The following NEK10 variants were observed in gnomAD, a reference collection of about 807,000 sequenced individuals.
NEK10 encodes NIMA related kinase 10, also known as serine/threonine-protein kinase Nek10.
In NEK10, 122 loss-of-function variants were observed where a neutral mutation model predicts 159.8. That is an observed-to-expected ratio of 0.76 (90% CI 0.66 to 0.89). The LOEUF is 0.89. Among genes scored for constraint, NEK10 ranks in the 40% least tolerant of loss-of-function variants. NEK10 has a pLI of 0.00. For missense variants in NEK10, 1,342 were observed against 1,323.1 expected, an observed-to-expected ratio of 1.01 and a Z score of -0.22; for synonymous variants, 466 against 457.1, an observed-to-expected ratio of 1.02 and a Z score of -0.25.
At chr3:27,157,297 A>C (rs1945572049) in intron 30 of NEK10, among the ~76,000 whole-genome samples, 1 of 151,998 alleles carries the variant, frequency 6.6e-6, no homozygotes, top group Non-Finnish European at 1.5e-5. Context: ...TACCCCAATA[A>C]CTTATGGAAA....
intron 23 of NEK10, among the ~76,000 whole-genome samples, chr3:27,247,768 C>T (rs1955219659): frequency 6.6e-6 from 1 of 151,388 alleles, no homozygotes; most frequent in South Asian, 2.1e-4. Context: ...AACTCCTGCA[C>T]TCAAGCAATA....
At chr3:27,132,505 C>A (rs892451030) in intron 31 of NEK10, among the ~76,000 whole-genome samples, 1 of 152,078 alleles carries the variant, frequency 6.6e-6, no homozygotes, top group Non-Finnish European at 1.5e-5. Context: ...GATTTAGGTA[C>A]CAATCATTCC....
At chr3:27,354,939 T>A (rs569304449) in intron 1 of NEK10, among the ~76,000 whole-genome samples, 9 of 152,092 alleles carry the variant, frequency 5.9e-5, no homozygotes, top group Non-Finnish European at 1.3e-4. Context: ...TTAGAGGCAG[T>A]CCTCTCAAAA....
rs138648577 is a variant in NEK10 at position 27,124,671 on chromosome 3, G to A, written c.3082-4803C>T. ...GGGTAAAAGAAATGAAGCAGAGCAG[G>A]TGAAAAAGCGTGAGGTTTAAAGAAT... is the stretch of plus-strand genomic sequence containing the variant. On this transcript the variant is annotated intron_variant, in intron 32 of 35. Transcript: ENST00000691995. Among the ~76,000 whole-genome samples, 522 of 152,306 alleles carry A rather than the reference G, an allele frequency of 3.4e-3. 1 individual carries two copies. The highest frequency in any genetic ancestry group is 6.4e-3 in the Non-Finnish European group (433 of 68,022).
At chr3:27,180,446 G>C (rs1003969196) in intron 26 of NEK10, among the ~76,000 whole-genome samples, 35 of 150,824 alleles carry the variant, frequency 2.3e-4, no homozygotes, top group African/African-American at 7.1e-4. Context: ...GGGAAGGGAG[G>C]GGAAGGGAAG....
intron 35 of NEK10, among the ~76,000 whole-genome samples, chr3:27,115,505 A>C (rs1446651902): frequency 6.6e-6 from 1 of 152,216 alleles, no homozygotes; most frequent in African/African-American, 2.4e-5. Context: ...AATATATCTT[A>C]AATTCACAAG....
At chr3:27,174,931 C>A in intron 26 of NEK10, 98 bp from the exon 27 acceptor site, 1 of 1,003,742 alleles carries the variant, frequency 1.0e-6, no homozygotes. Context: ...CTTCAAATAT[C>A]AATATAAATG....
chr3:27,223,999 G>A (rs765891169), intron 23 of NEK10, among the ~76,000 whole-genome samples: 12 of 152,210 alleles, frequency 7.9e-5, no homozygotes, highest in Non-Finnish European at 1.3e-4. Flanking sequence ...ACCTGTGAAT[G>A]TGATCTTGTT....
chr3:27,141,604 G>T, intron 30 of NEK10, 22 bp from the exon 31 acceptor site: 2 of 1,566,222 alleles, frequency 1.3e-6, no homozygotes, highest in Non-Finnish European at 1.7e-6. Context: ...AAATTTTGTA[G>T]TTAGTCAAGT....
At chr3:27,203,449 T>C (rs1026355191) in intron 23 of NEK10, among the ~76,000 whole-genome samples, 1 of 152,214 alleles carries the variant, frequency 6.6e-6, no homozygotes, top group Non-Finnish European at 1.5e-5. Flanking sequence ...GGTTCATGAA[T>C]CTATTTTTTA....
rs1939165771 is a variant in NEK10 at position 27,108,027 on chromosome 3, T to C, written c.*3245A>G. Among the ~76,000 whole-genome samples, 1 of 152,200 alleles carries C rather than the reference T, an allele frequency of 6.6e-6. No individual in the cohort carries two copies. The highest frequency in any genetic ancestry group is 1.5e-5 in the Non-Finnish European group (1 of 68,032). ...TTACAGTCTTCACACATCTTAAAAA[T>C]GAGTGGTGATTAATTAATGATATTT... On this transcript the variant is annotated 3_prime_UTR_variant, in exon 36 of 36. Transcript: ENST00000691995.
chr3:27,352,247 G>A (rs914136136), intron 3 of NEK10, among the ~76,000 whole-genome samples: 2 of 152,172 alleles, frequency 1.3e-5, no homozygotes, highest in African/African-American at 4.8e-5. Flanking sequence ...GAGAAGCATA[G>A]GCTAAAGCAG....
In NEK10 at chr3:27,174,474, C is replaced by G. The variant is rs151166136; in HGVS notation, c.2741G>C (p.Ser914Thr). Residue 914 changes from serine (S) to threonine (T), a missense_variant, in exon 28 of 36, where the codon AGC becomes ACC. Physicochemically the swap from Ser to Thr is moderately conservative, Grantham distance 58. Transcript: ENST00000691995. Reference protein sequence around the residue: ...DELDISDNSSSSSSSPLKEST... With the variant: ...DELDISDNSSTSSSSPLKEST... ...TTCTTTCAGAGGGCTTGAACTGGAG[C>G]TGCTGGAGTTATCCGAAATGTCCAA... is the stretch of plus-strand genomic sequence containing the variant. 5.6e-6 allele frequency: 9 copies of G among 1,612,252 alleles called. No homozygotes were observed. In the African/African-American group the frequency reaches 1.1e-4, roughly 19 times the overall value.
intron 22 of NEK10, among the ~76,000 whole-genome samples, chr3:27,283,420 A>G (rs1334164186): frequency 6.6e-6 from 1 of 152,158 alleles, no homozygotes; most frequent in Non-Finnish European, 1.5e-5. Context: ...TTACTACAGA[A>G]TCTTTGTTCA....
chr3:27,163,339 G>A (rs990577016), intron 29 of NEK10, among the ~76,000 whole-genome samples: 2 of 151,118 alleles, frequency 1.3e-5, no homozygotes, highest in African/African-American at 4.9e-5. Context: ...TTTTTCCACT[G>A]TACCCTAGAA....
chr3:27,251,572 C>T (rs1254176119), intron 23 of NEK10, among the ~76,000 whole-genome samples: 1 of 152,188 alleles, frequency 6.6e-6, no homozygotes, highest in Non-Finnish European at 1.5e-5. Context: ...TTCCTGGGGC[C>T]TCCCCAGAAG....
intron 5 of NEK10, among the ~76,000 whole-genome samples, chr3:27,336,178 C>A (rs902044334): frequency 3.9e-5 from 6 of 152,044 alleles, no homozygotes; most frequent in Admixed American, 3.3e-4. Flanking sequence ...TTACAACTGA[C>A]AACACAAAAA....
chr3:27,369,075 A>G lies in NEK10; in HGVS notation c.-38+150T>C, dbSNP rs1300633028. The G allele has an allele frequency of 6.6e-6, 1 of 152,356 alleles. No individual in the cohort carries two copies. Among genetic ancestry groups the G allele is most frequent in the South Asian group, 2.1e-4 (1 of 4,814 alleles). 9.4% of individuals were successfully genotyped at this position (152,356 alleles called of 1,614,324 possible). A position where few individuals can be genotyped will look rare whatever the true frequency, so the allele number is the denominator to read the frequency against. On this transcript the variant is annotated intron_variant, in intron 1 of 35. Transcript: ENST00000691995. The surrounding 1 kb of genome is among the most constrained non-coding windows in gnomAD (Gnocchi z 4.2). ...TCACGCAGTGACTCACTTACCCACC[A>G]CAGCCGCATTCTCTACCTCTGCCTC... is the stretch of plus-strand genomic sequence containing the variant.
chr3:27,243,027 T>C (rs1011340867), intron 23 of NEK10, among the ~76,000 whole-genome samples: 1 of 152,202 alleles, frequency 6.6e-6, no homozygotes, highest in Admixed American at 6.5e-5. Flanking sequence ...GTTTATTGTC[T>C]TGTTTTAAAA....
Sources: gnomAD v4.1 joint callset for allele counts (sites outside exome capture counted in the v4.1 genomes callset) on GRCh38, gnomAD v4.1.1 for gene constraint, Gnocchi (gnomAD v3.1) non-coding constraint, MANE v1.5 for transcripts, NCBI Gene and HGNC (gene_info 2026-07-23, HGNC 2026-07-21) for gene names.